The following HDAC8 variants were observed in gnomAD, a reference collection of about 807,000 sequenced individuals.
HDAC8 encodes the protein histone deacetylase-like 1.
A neutral mutation model predicts 32.2 loss-of-function variants in HDAC8; 1 was observed. That is an observed-to-expected ratio of 0.03 (90% CI 0.01 to 0.15). HDAC8 has a LOEUF of 0.15. HDAC8 is among the 10% of genes least tolerant of loss of function. The probability of loss-of-function intolerance (pLI) is 1.00; values close to 1 mark genes in which losing one functional copy is unlikely to be tolerated. For missense variants in HDAC8, 117 were observed against 300.0 expected, an observed-to-expected ratio of 0.39 and a Z score of 4.51; for synonymous variants, 108 against 113.9, an observed-to-expected ratio of 0.95 and a Z score of 0.33.
At chrX:72,518,443 G>C (rs974486224) in intron 4 of HDAC8, among the ~76,000 whole-genome samples, 4 of 111,241 alleles carry the variant, frequency 3.6e-5, no homozygotes, top group African/African-American at 9.8e-5. Context: ...TAGTTCTGGG[G>C]AACAGTTTCA....
chrX:72,431,743 C>G, intron 9 of HDAC8, among the ~76,000 whole-genome samples: 1 of 111,670 alleles, frequency 9.0e-6, no homozygotes. Flanking sequence ...TATTGGAACT[C>G]TTAGGTGCAT....
At chrX:72,525,633 G>T (rs955478957) in intron 4 of HDAC8, among the ~76,000 whole-genome samples, 2 of 108,612 alleles carry the variant, frequency 1.8e-5, no homozygotes, top group African/African-American at 6.7e-5. Flanking sequence ...CTAAAACGGT[G>T]AAACCCCGTC....
chrX:72,397,046 G>A (rs1054666805), intron 9 of HDAC8, among the ~76,000 whole-genome samples: 7 of 110,748 alleles, frequency 6.3e-5, no homozygotes, highest in Non-Finnish European at 1.1e-4. Flanking sequence ...CATGGCAGAG[G>A]GCAAATGGGG....
chrX:72,546,226 A>G (rs73218368), intron 4 of HDAC8, among the ~76,000 whole-genome samples: 2 of 111,470 alleles, frequency 1.8e-5, no homozygotes, highest in Non-Finnish European at 3.8e-5. Flanking sequence ...CCCCAGGTGG[A>G]AGTCCCAGAA....
chrX:72,433,360 CT>C (rs1460649695), intron 9 of HDAC8, among the ~76,000 whole-genome samples: 1 of 111,958 alleles, frequency 8.9e-6, no homozygotes, highest in Non-Finnish European at 1.9e-5. Context: ...GCCAATAGTG[CT>C]TGTGCTGAAA....
intron 9 of HDAC8, among the ~76,000 whole-genome samples, chrX:72,401,811 T>C: frequency 8.9e-6 from 1 of 112,469 alleles, no homozygotes; most frequent in Non-Finnish European, 1.9e-5. Flanking sequence ...CCATTCTGTT[T>C]TGGTTACTGT....
chrX:72,422,416 G>A (rs1165872509), intron 9 of HDAC8, among the ~76,000 whole-genome samples: 1 of 108,923 alleles, frequency 9.2e-6, no homozygotes, highest in Admixed American at 9.9e-5. Flanking sequence ...TCTTCCAAGT[G>A]CACTGATTCT....
intron 10 of HDAC8, among the ~76,000 whole-genome samples, chrX:72,343,457 G>A (rs2147712151): frequency 9.2e-6 from 1 of 109,256 alleles, no homozygotes; most frequent in South Asian, 4.1e-4. Context: ...ACAGGCGTGA[G>A]CTACCATGCC....
At chrX:72,560,582 A>G (rs904695530) in intron 4 of HDAC8, among the ~76,000 whole-genome samples, 15 of 106,298 alleles carry the variant, frequency 1.4e-4, no homozygotes, top group African/African-American at 4.4e-4. Flanking sequence ...AAAAAAAAAA[A>G]AAAAAAAAGA....
At chrX:72,409,078 T>C (rs1555969462) in intron 9 of HDAC8, among the ~76,000 whole-genome samples, 1 of 112,347 alleles carries the variant, frequency 8.9e-6, no homozygotes, top group Non-Finnish European at 1.9e-5. Flanking sequence ...TCTACGTGTA[T>C]ATTCGTGACT....
At chrX:72,518,071 A>G (rs2049864824) in intron 4 of HDAC8, among the ~76,000 whole-genome samples, 1 of 112,243 alleles carries the variant, frequency 8.9e-6, no homozygotes, top group Non-Finnish European at 1.9e-5. Context: ...GAACTAATGT[A>G]AAATAATTTT....
At chrX:72,548,358 C>A (rs1301081943) in intron 4 of HDAC8, among the ~76,000 whole-genome samples, 1 of 111,689 alleles carries the variant, frequency 9.0e-6, no homozygotes, top group African/African-American at 3.3e-5. Flanking sequence ...TGACCCATTT[C>A]CTGTGTTTCT....
intron 9 of HDAC8, among the ~76,000 whole-genome samples, chrX:72,369,076 C>T (rs1034902940): frequency 3.6e-5 from 4 of 111,103 alleles, no homozygotes; most frequent in Non-Finnish European, 5.7e-5. Flanking sequence ...TCTCACAGCA[C>T]GAAAACACGA....
intron 7 of HDAC8, among the ~76,000 whole-genome samples, chrX:72,487,172 G>A (rs1431953006): frequency 9.0e-6 from 1 of 111,639 alleles, no homozygotes. Flanking sequence ...TTTGTAAAGC[G>A]AAATCATGTG....
chrX:72,403,530 T>C (rs2045960410), intron 9 of HDAC8, among the ~76,000 whole-genome samples: 1 of 112,498 alleles, frequency 8.9e-6, no homozygotes, highest in Non-Finnish European at 1.9e-5. Flanking sequence ...TCATCTCTTT[T>C]AAAAAGGCTG....
At chrX:72,536,549 T>G (rs1317769097) in intron 4 of HDAC8, among the ~76,000 whole-genome samples, 3 of 112,635 alleles carry the variant, frequency 2.7e-5, no homozygotes, top group African/African-American at 9.7e-5. Context: ...ATAAGCTTCG[T>G]GCACATCTGC....
intron 5 of HDAC8, among the ~76,000 whole-genome samples, chrX:72,493,440 A>G (rs2048928702): frequency 1.8e-5 from 2 of 111,482 alleles, no homozygotes; most frequent in African/African-American, 3.3e-5. Flanking sequence ...CTAAATCTGA[A>G]TATCTGGTGG....
intron 9 of HDAC8, among the ~76,000 whole-genome samples, chrX:72,429,739 AGAGT>A (rs1555976847): frequency 8.9e-6 from 1 of 112,040 alleles, no homozygotes. Flanking sequence ...ATTTCTTCAT[AGAGT>A]GTGTGTGTGT....
At chrX:72,552,140 T>G (rs1264788419) in intron 4 of HDAC8, among the ~76,000 whole-genome samples, 5 of 112,084 alleles carry the variant, frequency 4.5e-5, no homozygotes, top group African/African-American at 1.3e-4. Flanking sequence ...ACAGAAAAGA[T>G]GTGAGTATAT....
Sources: allele counts gnomAD v4.1 joint callset (sites outside exome capture counted in the v4.1 genomes callset), GRCh38; gene constraint gnomAD v4.1.1; transcripts MANE v1.5; gene names NCBI Gene and HGNC (gene_info 2026-07-23, HGNC 2026-07-21).